Variants in HNRNPLL observed in about 807,000 individuals in gnomAD.
HNRNPLL encodes the protein heterogeneous nuclear ribonucleoprotein L-like.
HNRNPLL carries 25 observed loss-of-function variants against 67.1 expected under a neutral mutation model. The ratio of observed to expected loss-of-function variants is 0.37; its 90% CI spans 0.27 to 0.52. The LOEUF is 0.52. HNRNPLL is among the 20% of genes least tolerant of loss of function. HNRNPLL has a pLI of 0.90. For missense variants in HNRNPLL, 542 were observed against 673.9 expected (o/e 0.80, Z 2.17); for synonymous variants, 267 against 241.7 (o/e 1.10, Z -0.97).
intron 1 of HNRNPLL, among the ~76,000 whole-genome samples, chr2:38,599,290 T>C (rs539610784): frequency 6.6e-6 from 1 of 152,320 alleles, no homozygotes; most frequent in South Asian, 2.1e-4. Flanking sequence ...GTTTATTCAC[T>C]AGCAGAAAAC....
chr2:38,565,087 A>C (rs1444366159), intron 12 of HNRNPLL, among the ~76,000 whole-genome samples: 2 of 152,142 alleles, frequency 1.3e-5, no homozygotes, highest in Non-Finnish European at 2.9e-5. Context: ...GACCAGGCAG[A>C]AACAGCTCTT....
chr2:38,587,871 T>C (rs1343376997), intron 2 of HNRNPLL, among the ~76,000 whole-genome samples: 2 of 152,162 alleles, frequency 1.3e-5, no homozygotes, highest in African/African-American at 4.8e-5. Context: ...TCTAATGGCT[T>C]AGCACTATCC....
intron 1 of HNRNPLL, among the ~76,000 whole-genome samples, chr2:38,592,381 G>T (rs998807104): frequency 6.6e-6 from 1 of 152,136 alleles, no homozygotes; most frequent in African/African-American, 2.4e-5. Flanking sequence ...TTCCTGTAAC[G>T]TAGTAGATTT....
chr2:38,570,270 T>A (rs1177919431), intron 8 of HNRNPLL, among the ~76,000 whole-genome samples: 3 of 152,226 alleles, frequency 2.0e-5, no homozygotes, highest in Non-Finnish European at 4.4e-5. Context: ...ATTTACTCTT[T>A]CAACAAATAT....
At chr2:38,577,676 C>G in intron 6 of HNRNPLL, 144 bp from the exon 7 acceptor site, 1 of 623,072 alleles carries the variant, frequency 1.6e-6, no homozygotes, top group Non-Finnish European at 2.9e-6. Flanking sequence ...AACATCCATT[C>G]ATATCCAATT....
intron 7 of HNRNPLL, among the ~76,000 whole-genome samples, chr2:38,576,496 T>C (rs1258677997): frequency 6.6e-6 from 1 of 151,788 alleles, no homozygotes; most frequent in African/African-American, 2.4e-5. Context: ...AAAACAGAGA[T>C]GGTTTCAATC....
At position 38,574,473 on chromosome 2, in the gene HNRNPLL, T is replaced by C. The variant is rs1666221118; in HGVS notation, c.875-1046A>G. Among the ~76,000 whole-genome samples the C allele has an allele frequency of 2.6e-5, 4 of 151,936 alleles. No individual in the cohort carries two copies. The South Asian group carries it at 8.3e-4, about 31-fold the overall frequency. On this transcript the variant is annotated intron_variant, in intron 7 of 12. Coordinates refer to ENST00000449105, the MANE Select transcript of HNRNPLL (RefSeq NM_138394.4). ...AATCCAAAAACCCAAGTCCTTTCTC[T>C]ATTTCTCAAGAAGAGTATGTAATGC...
intron 11 of HNRNPLL, 35 bp downstream of exon 11, chr2:38,568,351 A>C: frequency 6.2e-7 from 1 of 1,605,426 alleles, no homozygotes; most frequent in African/African-American, 1.3e-5. Flanking sequence ...CACCAACTTA[A>C]CCAGAAAGCT....
At position 38,569,254 on chromosome 2, in the gene HNRNPLL, A is replaced by G; in HGVS notation, c.1295T>C (p.Met432Thr). Residue 432 changes from methionine to threonine, a missense_variant, in exon 10 of 13, where the codon ATG (methionine) becomes ACG (threonine). Coordinates refer to ENST00000449105, the MANE Select transcript of HNRNPLL (RefSeq NM_138394.4). ...DGTSSYKDFA[M>T]SKNNRFTSAG... is the part of the protein sequence containing the mutation. ...ACTTGTAAAGCGATTATTTTTGCTCATTGCAAAATCTTTGTAGCTGCTGGT... is the reference window on the plus strand; with the variant it reads ...ACTTGTAAAGCGATTATTTTTGCTCGTTGCAAAATCTTTGTAGCTGCTGGT... The G allele has an allele frequency of 6.2e-7, 1 of 1,612,944 alleles. No homozygotes were observed. Among genetic ancestry groups the G allele is most frequent in the South Asian group, 1.1e-5 (1 of 91,066 alleles).
At chr2:38,591,909 G>A (rs563792489) in intron 1 of HNRNPLL, among the ~76,000 whole-genome samples, 18 of 152,184 alleles carry the variant, frequency 1.2e-4, no homozygotes, top group African/African-American at 3.9e-4. Context: ...CCGGGAGGTG[G>A]AGGCTGCAGT....
At chr2:38,597,102 G>C (rs1162317197) in intron 1 of HNRNPLL, among the ~76,000 whole-genome samples, 1 of 152,036 alleles carries the variant, frequency 6.6e-6, no homozygotes, top group African/African-American at 2.4e-5. Flanking sequence ...TTTGACTACT[G>C]CATATTAAGG....
At chr2:38,593,631 T>C (rs1033831571) in intron 1 of HNRNPLL, among the ~76,000 whole-genome samples, 1 of 152,172 alleles carries the variant, frequency 6.6e-6, no homozygotes. Flanking sequence ...GGCTCATGCC[T>C]GTAATCCAGC....
chr2:38,564,156 A>G lies in HNRNPLL; in HGVS notation c.*26T>C, dbSNP rs953104030. ...CTTTGAAATTGTAATAAAGGTGAAC[A>G]TAAATTCTAACATGCTCTTCTCTTC... is the stretch of plus-strand genomic sequence containing the variant. On this transcript the variant is annotated 3_prime_UTR_variant, in exon 13 of 13. Coordinates refer to ENST00000449105, the MANE Select transcript of HNRNPLL (RefSeq NM_138394.4). The G allele has an allele frequency of 2.2e-6, 3 of 1,374,130 alleles. No individual in the cohort carries two copies. The highest frequency in any genetic ancestry group is 3.4e-5 in the Admixed American group (2 of 58,380). The allele number at this position is 1,374,130 out of a possible 1,614,324, so 85.1% of individuals were successfully genotyped here.
At chr2:38,592,908 T>A (rs1490499801) in intron 1 of HNRNPLL, among the ~76,000 whole-genome samples, 1 of 152,202 alleles carries the variant, frequency 6.6e-6, no homozygotes, top group Non-Finnish European at 1.5e-5. Flanking sequence ...AAATTAAATT[T>A]CTTTAAGGCT....
At chr2:38,597,712 G>A (rs1341145615) in intron 1 of HNRNPLL, among the ~76,000 whole-genome samples, 1 of 148,708 alleles carries the variant, frequency 6.7e-6, no homozygotes, top group Non-Finnish European at 1.5e-5. Flanking sequence ...TTTTTGAGAC[G>A]GAGTCTCGCT....
At chr2:38,592,267 T>C (rs1666990996) in intron 1 of HNRNPLL, among the ~76,000 whole-genome samples, 1 of 152,168 alleles carries the variant, frequency 6.6e-6, no homozygotes, top group Admixed American at 6.5e-5. Context: ...GGAAGTATAT[T>C]TGATACTCAT....
intron 8 of HNRNPLL, 64 bp downstream of exon 8, chr2:38,573,146 G>T: frequency 9.6e-7 from 1 of 1,045,864 alleles, no homozygotes. Flanking sequence ...ACACATATTT[G>T]CAGCCTTTTC....
In HNRNPLL at chr2:38,568,233, A is replaced by G; in HGVS notation, c.1539T>C (p.Leu513=). The change falls in exon 12 of 13, where the codon CTT becomes CTC. Residue 513 remains leucine, a synonymous_variant. Transcript: ENST00000449105. ...WECKTDAVEA[L]TALNHYQIRV... Reference sequence around the variant, plus strand: ...TTATCTGATAGTGATTCAGTGCCGTAAGGGCTTCTACTGCATCAGTTTTGC... The same window carrying G: ...TTATCTGATAGTGATTCAGTGCCGTGAGGGCTTCTACTGCATCAGTTTTGC... 1 of 1,613,292 alleles carries G rather than the reference A, an allele frequency of 6.2e-7. No homozygotes were observed. The highest frequency in any genetic ancestry group is 1.3e-5 in the African/African-American group (1 of 75,022).
At chr2:38,568,927 T>C (rs188800986) in intron 10 of HNRNPLL, among the ~76,000 whole-genome samples, 9 of 152,282 alleles carry the variant, frequency 5.9e-5, no homozygotes, top group African/African-American at 1.9e-4. Context: ...CTCAAAAGGA[T>C]TGAGCCACAA....
Sources: gnomAD v4.1 joint callset for allele counts (sites outside exome capture counted in the v4.1 genomes callset) on GRCh38, gnomAD v4.1.1 for gene constraint, MANE v1.5 for transcripts, NCBI Gene and HGNC (gene_info 2026-07-23, HGNC 2026-07-21) for gene names.